PRRG1: variants seen among roughly 807,000 people sequenced by gnomAD.
The protein encoded by PRRG1 is proline rich and Gla domain 1, also known as transmembrane gamma-carboxyglutamic acid protein 1.
Under a neutral mutation model 11.8 loss-of-function variants are expected in PRRG1, and 5 were observed. The ratio of observed to expected loss-of-function variants is 0.42; its 90% CI spans 0.22 to 0.89. PRRG1 has a LOEUF of 0.89. Ranked by LOEUF, PRRG1 falls within the 40% of genes least tolerant of loss-of-function variation. The pLI, the probability that PRRG1 is intolerant of heterozygous loss-of-function variation, is 0.28. For synonymous variants in PRRG1, 66 were observed against 60.4 expected (o/e 1.09, Z -0.43); for missense variants, 155 against 166.1 (o/e 0.93, Z 0.37).
At chrX:37,432,362 A>G (rs1932840306) in intron 3 of PRRG1, among the ~76,000 whole-genome samples, 1 of 112,104 alleles carries the variant, frequency 8.9e-6, no homozygotes, top group South Asian at 3.7e-4. Context: ...CTGGGATTAC[A>G]GGCGTGAGCC....
chrX:37,376,551 G>GTATATATATATATATATATATATATATA (rs542194109), intron 1 of PRRG1, among the ~76,000 whole-genome samples: 1,402 of 26,775 alleles, frequency 0.052, 393 homozygotes, highest in Non-Finnish European at 0.1. Flanking sequence ...AAATGTGAGT[G>GTATATATATATATATATATATATATATA]TATATATATA....
chrX:37,403,982 C>T (rs2096795641), intron 1 of PRRG1, among the ~76,000 whole-genome samples: 1 of 112,151 alleles, frequency 8.9e-6, no homozygotes, highest in Admixed American at 9.4e-5. Flanking sequence ...TGGCTGCCTC[C>T]AGTGATGCTT....
At chrX:37,445,610 C>T (rs982995753) in intron 3 of PRRG1, among the ~76,000 whole-genome samples, 4 of 112,905 alleles carry the variant, frequency 3.5e-5, no homozygotes, top group Admixed American at 1.9e-4. Context: ...ACTTCAACAA[C>T]GATTATTGAA....
intron 1 of PRRG1, among the ~76,000 whole-genome samples, chrX:37,385,685 A>C (rs1931301464): frequency 9.1e-6 from 1 of 110,247 alleles, no homozygotes; most frequent in South Asian, 3.9e-4. Context: ...TGAGATTGCT[A>C]TCAAGATGTA....
chrX:37,420,773 G>A (rs781889716), intron 2 of PRRG1, among the ~76,000 whole-genome samples: 18 of 110,637 alleles, frequency 1.6e-4, no homozygotes, highest in African/African-American at 5.3e-4. Context: ...AAGGTGGAAG[G>A]GTCGCTTTAG....
intron 1 of PRRG1, among the ~76,000 whole-genome samples, chrX:37,364,161 C>G (rs1274049981): frequency 1.8e-5 from 2 of 110,768 alleles, no homozygotes; most frequent in African/African-American, 6.6e-5. Flanking sequence ...GTTAGGACCC[C>G]TATATTAAGG....
At chrX:37,434,578 C>T (rs1181586414) in intron 3 of PRRG1, among the ~76,000 whole-genome samples, 1 of 111,989 alleles carries the variant, frequency 8.9e-6, no homozygotes, top group Non-Finnish European at 1.9e-5. Context: ...GCTCTGCCAT[C>T]TACTGACTAT....
chrX:37,453,795 A>G lies in PRRG1; in HGVS notation c.*174A>G, dbSNP rs1212046623. The G allele has an allele frequency of 7.4e-6, 4 of 540,580 alleles. No homozygotes were observed. The highest frequency in any genetic ancestry group is 8.1e-6 in the Non-Finnish European group (3 of 368,689). The allele number at this position is 540,580 out of a possible 1,213,427, so 44.5% of individuals were successfully genotyped here. A position where few individuals can be genotyped will look rare whatever the true frequency, so the allele number is the denominator to read the frequency against. On this transcript the variant is annotated 3_prime_UTR_variant, in exon 4 of 4. Transcript: ENST00000378628. The stretch of plus-strand genomic sequence containing the variant: ...GTTTCTTGTTATAGAATCATTATCC[A>G]TGCTCATTTTTGCTAGGGGAAATAT...
At chrX:37,403,294 G>A (rs1269973318) in intron 1 of PRRG1, among the ~76,000 whole-genome samples, 1 of 109,908 alleles carries the variant, frequency 9.1e-6, no homozygotes, top group Non-Finnish European at 1.9e-5. Context: ...GGAATACTAT[G>A]CAGCCATAAA....
chrX:37,408,325 G>A (rs1204213155), intron 2 of PRRG1, among the ~76,000 whole-genome samples: 1 of 112,104 alleles, frequency 8.9e-6, no homozygotes, highest in African/African-American at 3.2e-5. Flanking sequence ...GTGGAAAACA[G>A]CCAGTTATAT....
At chrX:37,392,733 G>A (rs1437794859) in intron 1 of PRRG1, among the ~76,000 whole-genome samples, 1 of 108,799 alleles carries the variant, frequency 9.2e-6, no homozygotes, top group Non-Finnish European at 1.9e-5. Context: ...ACCCACAGAA[G>A]TACTTCTCTT....
chrX:37,432,243 A>G (rs1018062432), intron 3 of PRRG1, among the ~76,000 whole-genome samples: 11 of 110,028 alleles, frequency 1.0e-4, no homozygotes, highest in African/African-American at 3.7e-4. Context: ...GCCTGCCACC[A>G]CGCCCGGCTA....
chrX:37,432,315 T>C (rs1932839433), intron 3 of PRRG1, among the ~76,000 whole-genome samples: 1 of 98,083 alleles, frequency 1.0e-5, no homozygotes, highest in South Asian at 4.3e-4. Context: ...CTCGATCTCC[T>C]GACCTCATGA....
chrX:37,395,709 C>A (rs1412585201), intron 1 of PRRG1, among the ~76,000 whole-genome samples: 1 of 109,524 alleles, frequency 9.1e-6, no homozygotes, highest in South Asian at 3.9e-4. Flanking sequence ...ACTGAAAAAT[C>A]AACAGGAAAC....
chrX:37,404,981 G>C (rs1198192515), intron 1 of PRRG1, among the ~76,000 whole-genome samples: 2 of 111,999 alleles, frequency 1.8e-5, no homozygotes, highest in Non-Finnish European at 3.8e-5. Context: ...ATCGCTTACA[G>C]AAAGGACTGT....
intron 1 of PRRG1, among the ~76,000 whole-genome samples, chrX:37,374,225 A>C (rs143417120): frequency 0.02 from 2,265 of 111,404 alleles, 57 homozygotes; most frequent in African/African-American, 0.07. Context: ...ATTTGTCTGT[A>C]ATTTTATTTT....
chrX:37,455,798 T>A lies in PRRG1; in HGVS notation c.*2177T>A, dbSNP rs1456519224. On this transcript the variant is annotated 3_prime_UTR_variant, in exon 4 of 4. Transcript: ENST00000378628. ...GTGAACTGTGTATGTATGTGTGGGGTTTTTTTCTTTATTTTTAAATGAAAA... is the reference window on the plus strand; with the variant it reads ...GTGAACTGTGTATGTATGTGTGGGGATTTTTTCTTTATTTTTAAATGAAAA... 1 of 112,162 alleles carries A rather than the reference T, an allele frequency of 8.9e-6. No homozygotes were observed. Among genetic ancestry groups the A allele is most frequent in the Admixed American group, 9.5e-5 (1 of 10,581 alleles). 9.2% of individuals were successfully genotyped at this position (112,162 alleles called of 1,213,427 possible).
chrX:37,421,315 T>G (rs1932654777), intron 2 of PRRG1, among the ~76,000 whole-genome samples: 1 of 112,174 alleles, frequency 8.9e-6, no homozygotes, highest in Admixed American at 9.5e-5. Flanking sequence ...TTTTCTTTAT[T>G]TCCTTTAATG....
chrX:37,413,256 T>C (rs782806914), intron 2 of PRRG1, among the ~76,000 whole-genome samples: 1 of 110,880 alleles, frequency 9.0e-6, no homozygotes, highest in Non-Finnish European at 1.9e-5. Context: ...TATAGTATTA[T>C]ACAGAGTAGT....
Sources: gnomAD v4.1 joint callset for allele counts (sites outside exome capture counted in the v4.1 genomes callset) on GRCh38, gnomAD v4.1.1 for gene constraint, MANE v1.5 for transcripts, NCBI Gene and HGNC (gene_info 2026-07-23, HGNC 2026-07-21) for gene names.